Variants in MATN2 observed in about 807,000 individuals in gnomAD.
MATN2 encodes matrilin-2.
Under a neutral mutation model 103.2 loss-of-function variants are expected in MATN2, and 69 were observed. That is an observed-to-expected ratio of 0.67 (90% CI 0.55 to 0.82). The LOEUF is 0.82. Among genes scored for constraint, MATN2 ranks in the 40% least tolerant of loss-of-function variants. The probability of loss-of-function intolerance (pLI) is 0.00; values close to 1 mark genes in which losing one functional copy is unlikely to be tolerated. For missense variants in MATN2, 1,023 were observed against 1,211.5 expected (o/e 0.84, Z 2.31); for synonymous variants, 429 against 450.2 (o/e 0.95, Z 0.60).
intron 3 of MATN2, among the ~76,000 whole-genome samples, chr8:97,938,391 C>T (rs368154142): frequency 1.3e-5 from 2 of 152,304 alleles, no homozygotes; most frequent in East Asian, 1.9e-4. Context: ...GGATGGGAAT[C>T]GTTAGGACCA....
In MATN2 at chr8:98,032,301, G is replaced by A. The variant is rs199863822; in HGVS notation, c.2565G>A (p.Thr855=). 6.6e-5 allele frequency: 106 copies of A among 1,610,938 alleles called. No individual in the cohort carries two copies. The South Asian group carries it at 1.1e-3, about 16-fold the overall frequency. The part of the protein sequence containing the change: ...QDSPAGELPK[T]VQQPTESEPV... Reference sequence around the variant, plus strand: ...CTCCAGCAGGGGAACTGCCAAAAACGGTCCAACAGCCAACAGGTACAGTTT... The same window carrying A: ...CTCCAGCAGGGGAACTGCCAAAAACAGTCCAACAGCCAACAGGTACAGTTT... Residue 855 remains threonine (T), a synonymous_variant, in exon 16 of 19, where the codon ACG becomes ACA. Transcript: ENST00000254898.
intron 4 of MATN2, among the ~76,000 whole-genome samples, chr8:97,945,705 G>GAAAAAAAAAAAAAA (rs71303437): frequency 8.3e-6 from 1 of 119,852 alleles, no homozygotes; most frequent in African/African-American, 3.1e-5. Context: ...ACACACTATA[G>GAAAAAAAAAAAAAA]AAAAAAAAAA....
At chr8:98,024,456 G>A (rs1813713367) in intron 13 of MATN2, among the ~76,000 whole-genome samples, 1 of 152,220 alleles carries the variant, frequency 6.6e-6, no homozygotes, top group South Asian at 2.1e-4. Context: ...AGTGAGCCAA[G>A]ATCGCACCAC....
chr8:97,872,219 A>G (rs894989193), intron 1 of MATN2, among the ~76,000 whole-genome samples: 1 of 152,222 alleles, frequency 6.6e-6, no homozygotes, highest in African/African-American at 2.4e-5. Context: ...ACAGTGTGTG[A>G]AGGGTGTAAA....
At chr8:98,019,559 T>G (rs1586163066) in intron 12 of MATN2, among the ~76,000 whole-genome samples, 1 of 152,334 alleles carries the variant, frequency 6.6e-6, no homozygotes, top group East Asian at 1.9e-4. Flanking sequence ...AGACTGGTGT[T>G]TGACCAAACA....
rs1814248512 is a variant in MATN2 at position 98,036,326 on chromosome 8, A to G, written c.*614A>G. The G allele has an allele frequency of 6.6e-6, 1 of 152,224 alleles. No homozygotes were observed. Among genetic ancestry groups the G allele is most frequent in the Admixed American group, 6.5e-5 (1 of 15,290 alleles). The allele number at this position is 152,224 out of a possible 1,614,324, so 9.4% of individuals were successfully genotyped here. A position where few individuals can be genotyped will look rare whatever the true frequency, so the allele number is the denominator to read the frequency against. ...GCTGAATCTCATCAGTAATCAGGAA[A>G]ATGCAGGTTAAAACAATACCATTTT... On this transcript the variant is annotated 3_prime_UTR_variant, in exon 19 of 19. Coordinates refer to ENST00000254898, the MANE Select transcript of MATN2 (RefSeq NM_002380.5).
chr8:98,024,314 G>A (rs905117872), intron 13 of MATN2, among the ~76,000 whole-genome samples: 2 of 152,176 alleles, frequency 1.3e-5, no homozygotes, highest in Non-Finnish European at 2.9e-5. Flanking sequence ...AGACCAGCCT[G>A]GCCAACATGG....
intron 4 of MATN2, among the ~76,000 whole-genome samples, chr8:97,949,033 G>A (rs1810849422): frequency 6.6e-6 from 1 of 152,072 alleles, no homozygotes; most frequent in Non-Finnish European, 1.5e-5. Context: ...GTACCAAGAA[G>A]ACAAACACCA....
intron 4 of MATN2, among the ~76,000 whole-genome samples, chr8:97,958,930 T>G (rs550385432): frequency 5.9e-5 from 9 of 152,322 alleles, no homozygotes; most frequent in Admixed American, 3.3e-4. Context: ...CAGAGCAGAA[T>G]TCAGCTGCCA....
At chr8:97,936,778 G>A (rs1482190051) in intron 3 of MATN2, among the ~76,000 whole-genome samples, 1 of 152,122 alleles carries the variant, frequency 6.6e-6, no homozygotes, top group Non-Finnish European at 1.5e-5. Flanking sequence ...TCTCCCCTTG[G>A]CTCTCACCGC....
At chr8:97,922,443 G>A (rs931050826) in intron 2 of MATN2, among the ~76,000 whole-genome samples, 13 of 152,050 alleles carry the variant, frequency 8.5e-5, no homozygotes, top group Admixed American at 4.6e-4. Flanking sequence ...ATAGTCAGAC[G>A]GTGTCTCATA....
intron 5 of MATN2, among the ~76,000 whole-genome samples, chr8:97,966,108 T>A (rs1007113689): frequency 2.7e-5 from 4 of 149,842 alleles, no homozygotes; most frequent in Non-Finnish European, 5.9e-5. Context: ...CAGAAAGTCA[T>A]GTTCACACCA....
At chr8:97,902,891 C>T (rs1819036803) in intron 2 of MATN2, among the ~76,000 whole-genome samples, 1 of 152,168 alleles carries the variant, frequency 6.6e-6, no homozygotes, top group East Asian at 1.9e-4. Flanking sequence ...CTTAAGAAAG[C>T]AGTCTTGTCT....
chr8:97,986,283 TTTAAA>T (rs1218630010), intron 6 of MATN2, among the ~76,000 whole-genome samples: 4 of 152,364 alleles, frequency 2.6e-5, no homozygotes, highest in Middle Eastern at 6.8e-3. Flanking sequence ...AATTTTTATT[TTTAAA>T]TTAAATTAAA....
intron 2 of MATN2, among the ~76,000 whole-genome samples, chr8:97,903,194 G>A (rs1344293744): frequency 1.3e-5 from 2 of 152,198 alleles, no homozygotes; most frequent in African/African-American, 4.8e-5. Context: ...TCTGCTCTGA[G>A]GGGTGCAGGT....
chr8:97,917,943 G>A (rs992753298), intron 2 of MATN2, among the ~76,000 whole-genome samples: 3 of 151,966 alleles, frequency 2.0e-5, no homozygotes, highest in East Asian at 3.9e-4. Context: ...AAAATTAGTC[G>A]GGTGTGGTGG....
intron 10 of MATN2, among the ~76,000 whole-genome samples, chr8:98,010,040 C>G (rs1813104144): frequency 6.6e-6 from 1 of 152,218 alleles, no homozygotes; most frequent in South Asian, 2.1e-4. Context: ...TCTCCACTGT[C>G]TCCCAGAATA....
At chr8:97,911,961 T>A (rs1438439699) in intron 2 of MATN2, among the ~76,000 whole-genome samples, 1 of 152,188 alleles carries the variant, frequency 6.6e-6, no homozygotes. Context: ...ATGACAACCC[T>A]ATGAGGCAGG....
At chr8:98,014,381 G>A (rs931067374) in intron 10 of MATN2, among the ~76,000 whole-genome samples, 1 of 152,188 alleles carries the variant, frequency 6.6e-6, no homozygotes, top group African/African-American at 2.4e-5. Context: ...TACACCATGT[G>A]AGGAACTATC....
Sources: allele counts gnomAD v4.1 joint callset (sites outside exome capture counted in the v4.1 genomes callset), GRCh38; gene constraint gnomAD v4.1.1; transcripts MANE v1.5; gene names NCBI Gene and HGNC (gene_info 2026-07-23, HGNC 2026-07-21).